The following KCNMA1 variants were observed in gnomAD, a reference collection of about 807,000 sequenced individuals.
KCNMA1 encodes potassium calcium-activated channel subfamily M alpha 1, also known as Calcium-activated potassium channel subunit alpha-1.
KCNMA1 carries 29 observed loss-of-function variants against 140.0 expected under a neutral mutation model. The observed-to-expected ratio is 0.21, with a 90% CI of 0.15 to 0.28. The LOEUF is 0.28. Among genes scored for constraint, KCNMA1 ranks in the 10% least tolerant of loss-of-function variants. The pLI, the probability that KCNMA1 is intolerant of heterozygous loss-of-function variation, is 1.00. For missense variants in KCNMA1, 880 were observed against 1,602.2 expected, an observed-to-expected ratio of 0.55 and a Z score of 7.70; for synonymous variants, 612 against 611.9, an observed-to-expected ratio of 1.00 and a Z score of 0.00.
intron 2 of KCNMA1, among the ~76,000 whole-genome samples, chr10:77,317,622 A>G (rs998780266): frequency 6.6e-6 from 1 of 152,148 alleles, no homozygotes; most frequent in Non-Finnish European, 1.5e-5. Flanking sequence ...TGCGAAGCCC[A>G]TTTTCATCTT....
intron 3 of KCNMA1, among the ~76,000 whole-genome samples, chr10:77,206,245 A>G (rs1178201100): frequency 6.6e-6 from 1 of 152,248 alleles, no homozygotes; most frequent in Admixed American, 6.5e-5. Context: ...AAACTGAAAA[A>G]AAGAGGTTTA....
intron 7 of KCNMA1, among the ~76,000 whole-genome samples, chr10:77,110,548 C>A (rs1359032363): frequency 3.3e-5 from 5 of 152,164 alleles, no homozygotes; most frequent in Admixed American, 2.6e-4. Context: ...GAAGCAGCTG[C>A]AGGAGATGTC....
intron 14 of KCNMA1, among the ~76,000 whole-genome samples, chr10:77,052,836 T>C (rs1243193654): frequency 6.6e-6 from 1 of 152,152 alleles, no homozygotes; most frequent in Non-Finnish European, 1.5e-5. Context: ...CCATGCTTTT[T>C]AGAAAGCAAG....
chr10:77,529,212 C>A (rs561056796), intron 1 of KCNMA1, among the ~76,000 whole-genome samples: 2 of 150,516 alleles, frequency 1.3e-5, no homozygotes, highest in Admixed American at 1.3e-4. Flanking sequence ...TAAGTTCCCC[C>A]ACTGTGTTCC....
chr10:77,434,045 A>G (rs1356384309), intron 1 of KCNMA1, among the ~76,000 whole-genome samples: 1 of 152,222 alleles, frequency 6.6e-6, no homozygotes, highest in Non-Finnish European at 1.5e-5. Context: ...CCAACCTCAG[A>G]GTTGTCCCTT....
chr10:77,323,487 T>C (rs2082957687), intron 2 of KCNMA1, among the ~76,000 whole-genome samples: 1 of 152,176 alleles, frequency 6.6e-6, no homozygotes, highest in African/African-American at 2.4e-5. Context: ...GTTGAGAGTC[T>C]GAAGGAGCAG....
chr10:76,894,131 T>C (rs1042380519), intron 25 of KCNMA1, among the ~76,000 whole-genome samples: 8 of 152,224 alleles, frequency 5.3e-5, no homozygotes, highest in South Asian at 2.1e-4. Context: ...GATAGACCTA[T>C]AGACCAATGG....
chr10:77,493,536 T>C (rs1224037250), intron 1 of KCNMA1, among the ~76,000 whole-genome samples: 1 of 152,252 alleles, frequency 6.6e-6, no homozygotes, highest in African/African-American at 2.4e-5. Flanking sequence ...GAGTGAATTA[T>C]GTGTGTGGTT....
At chr10:77,104,275 T>A (rs892944976) in intron 9 of KCNMA1, among the ~76,000 whole-genome samples, 3 of 152,228 alleles carry the variant, frequency 2.0e-5, no homozygotes, top group Admixed American at 2.0e-4. Flanking sequence ...GTGGCACTCC[T>A]GTCTCTATAG....
chr10:77,603,129 T>C (rs1447568241), intron 1 of KCNMA1, among the ~76,000 whole-genome samples: 3 of 152,194 alleles, frequency 2.0e-5, no homozygotes, highest in African/African-American at 4.8e-5. Flanking sequence ...TAAAAACTGC[T>C]AGAGGTTCCA....
At chr10:77,276,078 A>T (rs1199290909) in intron 2 of KCNMA1, among the ~76,000 whole-genome samples, 1 of 152,192 alleles carries the variant, frequency 6.6e-6, no homozygotes, top group East Asian at 1.9e-4. Flanking sequence ...AAGCTGAGTC[A>T]ACATGAGTAC....
chr10:77,340,798 A>ACATGTATAC (rs1333225583), intron 2 of KCNMA1, among the ~76,000 whole-genome samples: 7 of 152,078 alleles, frequency 4.6e-5, no homozygotes, highest in Admixed American at 4.6e-4. Context: ...CCAACACGGC[A>ACATGTATAC]CATGTATACA....
intron 2 of KCNMA1, among the ~76,000 whole-genome samples, chr10:77,366,372 T>C (rs757125621): frequency 8.5e-5 from 13 of 152,184 alleles, no homozygotes; most frequent in Non-Finnish European, 1.8e-4. Context: ...TTTCACCTTG[T>C]TGACCAGGCT....
intron 1 of KCNMA1, among the ~76,000 whole-genome samples, chr10:77,510,310 G>A (rs2047900412): frequency 6.6e-6 from 1 of 151,948 alleles, no homozygotes; most frequent in South Asian, 2.1e-4. Context: ...ATTCATTTCT[G>A]GAATTGTGCA....
chr10:77,063,537 T>C (rs552584507), intron 14 of KCNMA1: 125 of 157,348 alleles, frequency 7.9e-4, no homozygotes, highest in Admixed American at 2.2e-3. Context: ...ATACCCACGG[T>C]ATCAAATCAA....
intron 2 of KCNMA1, among the ~76,000 whole-genome samples, chr10:77,345,166 T>G (rs2091899866): frequency 6.6e-6 from 1 of 152,230 alleles, no homozygotes; most frequent in Admixed American, 6.5e-5. Context: ...AATAAATAAA[T>G]GAATGGCTTC....
At chr10:77,069,589 A>T (rs1278504677) in intron 14 of KCNMA1, among the ~76,000 whole-genome samples, 1 of 152,160 alleles carries the variant, frequency 6.6e-6, no homozygotes, top group Non-Finnish European at 1.5e-5. Flanking sequence ...ACCCCCAAAG[A>T]TATGGGGGTA....
intron 5 of KCNMA1, among the ~76,000 whole-genome samples, chr10:77,171,261 C>T (rs2098702707): frequency 6.6e-6 from 1 of 152,180 alleles, no homozygotes; most frequent in Non-Finnish European, 1.5e-5. Flanking sequence ...CTCTAGGTGA[C>T]TCTGGTGCAC....
rs1590435511 is a variant in KCNMA1 at position 76,914,929 on chromosome 10, C to A, written c.3016+7G>T. The A allele has an allele frequency of 6.3e-7, 1 of 1,587,710 alleles. No individual in the cohort carries two copies. On this transcript the variant is annotated splice_region_variant and intron_variant, in intron 24 of 27. Coordinates refer to ENST00000286628, the MANE Select transcript of KCNMA1 (RefSeq NM_001161352.2). ...AAACTCCCCCCAAAGCTGACATTGA[C>A]CCCTACCTAGTTCAGTGATGATGGG... is the stretch of plus-strand genomic sequence containing the variant.
Sources: allele counts gnomAD v4.1 joint callset (sites outside exome capture counted in the v4.1 genomes callset), GRCh38; gene constraint gnomAD v4.1.1; transcripts MANE v1.5; gene names NCBI Gene and HGNC (gene_info 2026-07-23, HGNC 2026-07-21).